The following CTNNA2 variants were observed in gnomAD, a reference collection of about 807,000 sequenced individuals.
CTNNA2 encodes catenin alpha-2.
A neutral mutation model predicts 101.0 loss-of-function variants in CTNNA2; 42 were observed. That is an observed-to-expected ratio of 0.42 (90% CI 0.32 to 0.54). The LOEUF (loss-of-function observed/expected upper bound fraction) is 0.54. Among genes scored for constraint, CTNNA2 ranks in the 20% least tolerant of loss-of-function variants. CTNNA2 has a pLI of 0.14. For missense variants in CTNNA2, 871 were observed against 1,223.1 expected (o/e 0.71, Z 4.29); for synonymous variants, 450 against 456.4 (o/e 0.99, Z 0.18).
At chr2:79,289,595 A>C (rs1298867052) in intron 2 of CTNNA2, among the ~76,000 whole-genome samples, 1 of 151,922 alleles carries the variant, frequency 6.6e-6, no homozygotes, top group African/African-American at 2.4e-5. Flanking sequence ...AAATACAAAA[A>C]TTAGCCAGGC....
At chr2:80,277,173 A>G (rs1160670306) in intron 7 of CTNNA2, among the ~76,000 whole-genome samples, 1 of 152,058 alleles carries the variant, frequency 6.6e-6, no homozygotes, top group Non-Finnish European at 1.5e-5. Context: ...GTGTAGGACA[A>G]GGTCAGGGAG....
intron 1 of CTNNA2, among the ~76,000 whole-genome samples, chr2:79,536,018 C>T (rs1370109932): frequency 1.3e-5 from 2 of 152,130 alleles, no homozygotes; most frequent in Admixed American, 1.3e-4. Context: ...GGATGGTACC[C>T]AAATTCTTGA....
At chr2:79,970,726 C>T (rs893935042) in intron 7 of CTNNA2, among the ~76,000 whole-genome samples, 7 of 152,040 alleles carry the variant, frequency 4.6e-5, no homozygotes, top group African/African-American at 1.4e-4. Flanking sequence ...TGGAGGGCAC[C>T]AGTAAATTAC....
intron 2 of CTNNA2, among the ~76,000 whole-genome samples, chr2:79,718,054 T>G (rs1439003652): frequency 6.6e-6 from 1 of 152,180 alleles, no homozygotes; most frequent in East Asian, 1.9e-4. Flanking sequence ...GATAAACTCT[T>G]GGGTCAGGTT....
At chr2:80,373,602 G>A (rs1247991812) in intron 7 of CTNNA2, among the ~76,000 whole-genome samples, 2 of 152,076 alleles carry the variant, frequency 1.3e-5, no homozygotes, top group African/African-American at 4.8e-5. Flanking sequence ...AAGGAAGGTG[G>A]CTTTACTTTG....
chr2:80,451,907 T>C (rs1683546437), intron 9 of CTNNA2, among the ~76,000 whole-genome samples: 1 of 152,120 alleles, frequency 6.6e-6, no homozygotes, highest in African/African-American at 2.4e-5. Flanking sequence ...TAAATCAGCA[T>C]ATACTAGAAT....
chr2:79,542,740 T>C (rs1673498669), intron 1 of CTNNA2, among the ~76,000 whole-genome samples: 1 of 152,160 alleles, frequency 6.6e-6, no homozygotes, highest in African/African-American at 2.4e-5. Flanking sequence ...ATTTTGGAAA[T>C]CTCACATGCA....
intron 3 of CTNNA2, among the ~76,000 whole-genome samples, chr2:79,345,161 G>T (rs1677234254): frequency 1.3e-5 from 2 of 150,710 alleles, no homozygotes; most frequent in South Asian, 2.1e-4. Flanking sequence ...ATAGTATGAT[G>T]ATATCTTTCC....
intron 7 of CTNNA2, among the ~76,000 whole-genome samples, chr2:79,950,070 C>G (rs986920265): frequency 4.6e-5 from 7 of 151,506 alleles, no homozygotes; most frequent in Admixed American, 4.6e-4. Flanking sequence ...AAAATTTAAT[C>G]TTAGCTAAAA....
chr2:79,519,228 C>CAAA (rs35330716), intron 1 of CTNNA2, among the ~76,000 whole-genome samples: 3 of 50,808 alleles, frequency 5.9e-5, no homozygotes, highest in South Asian at 7.2e-4. Context: ...GACTCCGTCT[C>CAAA]AAAAAAAAAA....
At chr2:79,908,529 G>A (rs1190010939) in intron 6 of CTNNA2, among the ~76,000 whole-genome samples, 1 of 152,084 alleles carries the variant, frequency 6.6e-6, no homozygotes, top group Non-Finnish European at 1.5e-5. Flanking sequence ...GGCAGAAAAG[G>A]CTCCCCAAAG....
intron 3 of CTNNA2, among the ~76,000 whole-genome samples, chr2:79,832,961 C>T (rs1046093638): frequency 9.9e-5 from 15 of 152,056 alleles, no homozygotes; most frequent in African/African-American, 3.6e-4. Flanking sequence ...TTGTTTTGTT[C>T]TTAGAAAATG....
chr2:80,309,997 G>C (rs552091132), intron 7 of CTNNA2, among the ~76,000 whole-genome samples: 1 of 152,084 alleles, frequency 6.6e-6, no homozygotes, highest in South Asian at 2.1e-4. Context: ...TAGAAATGTA[G>C]ATTCTCAGGC....
At chr2:79,218,584 A>G (rs926718974) in intron 2 of CTNNA2, among the ~76,000 whole-genome samples, 12 of 152,144 alleles carry the variant, frequency 7.9e-5, no homozygotes, top group South Asian at 4.1e-4. Context: ...TTTTGACAAT[A>G]TAAGTGTTGC....
intron 7 of CTNNA2, among the ~76,000 whole-genome samples, chr2:80,126,268 A>G (rs185180265): frequency 6.6e-6 from 1 of 152,106 alleles, no homozygotes; most frequent in African/African-American, 2.4e-5. Context: ...CAAGTGTTAG[A>G]TTGGGTGGAT....
In CTNNA2 at chr2:80,558,717, T is replaced by TGA. The variant is rs1333516700; in HGVS notation, c.1741+2830_1741+2831dup. Among the ~76,000 whole-genome samples the TGA allele has an allele frequency of 2.6e-5, 4 of 151,640 alleles. No homozygotes were observed. The East Asian group carries it at 7.7e-4, about 29-fold the overall frequency. On this transcript the variant is annotated intron_variant, in intron 12 of 18. Transcript: ENST00000402739. ...TTTGTCATGAGAGTACATTGTAGGGTGAGAGAGGGTGGTAGTGGGAAAAAA... is the reference window on the plus strand; with the variant it reads ...TTTGTCATGAGAGTACATTGTAGGGTGAGAGAGAGGGTGGTAGTGGGAAAAAA...
chr2:79,700,709 T>C (rs1447507765), intron 2 of CTNNA2, among the ~76,000 whole-genome samples: 1 of 152,092 alleles, frequency 6.6e-6, no homozygotes, highest in African/African-American at 2.4e-5. Context: ...ACCCAGGGAA[T>C]TGAGGGAATA....
At chr2:79,744,951 G>T (rs1671539859) in intron 3 of CTNNA2, among the ~76,000 whole-genome samples, 1 of 152,150 alleles carries the variant, frequency 6.6e-6, no homozygotes, top group Admixed American at 6.5e-5. Flanking sequence ...AGAATGTAAA[G>T]TATTATAAGA....
At chr2:79,749,918 T>C (rs1671899923) in intron 3 of CTNNA2, among the ~76,000 whole-genome samples, 1 of 152,212 alleles carries the variant, frequency 6.6e-6, no homozygotes, top group African/African-American at 2.4e-5. Flanking sequence ...GTACTACCTT[T>C]TGATTAGTGA....
Sources: gnomAD v4.1 joint callset for allele counts (sites outside exome capture counted in the v4.1 genomes callset) on GRCh38, gnomAD v4.1.1 for gene constraint, MANE v1.5 for transcripts, NCBI Gene and HGNC (gene_info 2026-07-23, HGNC 2026-07-21) for gene names.